The following ARHGEF18 variants were observed in gnomAD, a reference collection of about 807,000 sequenced individuals.
ARHGEF18 encodes the protein Rho/Rac guanine nucleotide exchange factor 18, also known as rho guanine nucleotide exchange factor 18.
Under a neutral mutation model 155.7 loss-of-function variants are expected in ARHGEF18, and 93 were observed. The ratio of observed to expected loss-of-function variants is 0.60; its 90% confidence interval spans 0.50 to 0.71. The LOEUF (loss-of-function observed/expected upper bound fraction) is 0.71. Among genes scored for constraint, ARHGEF18 ranks in the 30% least tolerant of loss-of-function variants. The pLI, the probability that ARHGEF18 is intolerant of heterozygous loss-of-function variation, is 0.00. For synonymous variants in ARHGEF18, 742 were observed against 753.1 expected, an observed-to-expected ratio of 0.99 and a Z score of 0.24; for missense variants, 1,593 against 1,816.1, an observed-to-expected ratio of 0.88 and a Z score of 2.23.
chr19:7,446,330 C>T (rs1285248871), intron 14 of ARHGEF18, among the ~76,000 whole-genome samples: 1 of 151,876 alleles, frequency 6.6e-6, no homozygotes, highest in East Asian at 1.9e-4. Flanking sequence ...CAAGATCACA[C>T]CACTGCCCTC....
rs1367693249 is a variant in ARHGEF18 at position 7,377,017 on chromosome 19, T to G, written c.541+260T>G. On this transcript the variant is annotated intron_variant, in intron 5 of 28. Coordinates refer to ENST00000668164, the MANE Select transcript of ARHGEF18 (RefSeq NM_001367823.1). Reference sequence around the variant, plus strand: ...CCTCTCCCTGCAGCTCTTGAGCCAGTGTGAGATTGCCCCATTGCAATGAGC... The same window carrying G: ...CCTCTCCCTGCAGCTCTTGAGCCAGGGTGAGATTGCCCCATTGCAATGAGC... Among the ~76,000 whole-genome samples, 6 of 151,862 alleles carry G rather than the reference T, an allele frequency of 4.0e-5. No homozygotes were observed. In the East Asian group the frequency reaches 9.7e-4, roughly 25 times the overall value.
intron 2 of ARHGEF18, among the ~76,000 whole-genome samples, chr19:7,368,248 G>C (rs569568570): frequency 1.3e-5 from 2 of 152,226 alleles, no homozygotes; most frequent in East Asian, 3.9e-4. Flanking sequence ...GAGCCTTTCT[G>C]AAGAGTGGGG....
chr19:7,361,916 C>CAT (rs1568264010), intron 1 of ARHGEF18, among the ~76,000 whole-genome samples: 1 of 151,350 alleles, frequency 6.6e-6, no homozygotes, highest in Non-Finnish European at 1.5e-5. Context: ...GGCTTGAACT[C>CAT]GGGAGGCGGA....
intron 1 of ARHGEF18, among the ~76,000 whole-genome samples, chr19:7,358,973 T>A (rs1481696736): frequency 6.6e-6 from 1 of 152,142 alleles, no homozygotes; most frequent in Non-Finnish European, 1.5e-5. Flanking sequence ...TCAGCAAACC[T>A]TTTCTATAAA....
Position 7,440,896 on chromosome 19 carries a change from C to G in ARHGEF18, c.1106+414C>G, listed in dbSNP as rs1437211599. ...AGCGGTGTCCGGGTAGAAAGTGATG[C>G]TAGAAGCTGATATGTTTGTGGTGAC... is the stretch of plus-strand genomic sequence containing the variant. On this transcript the variant is annotated intron_variant, in intron 11 of 28. Coordinates refer to ENST00000668164, the MANE Select transcript of ARHGEF18 (RefSeq NM_001367823.1). The surrounding 1 kb of genome is among the most constrained non-coding windows in gnomAD (Gnocchi z 5.4). Among the ~76,000 whole-genome samples, 1 of 151,976 alleles carries G rather than the reference C, an allele frequency of 6.6e-6. No individual in the cohort carries two copies. Among genetic ancestry groups the G allele is most frequent in the Admixed American group, 6.6e-5 (1 of 15,256 alleles).
At chr19:7,461,121 A>G (rs372041983) in intron 20 of ARHGEF18, among the ~76,000 whole-genome samples, 22 of 151,864 alleles carry the variant, frequency 1.4e-4, no homozygotes, top group African/African-American at 5.3e-4. Flanking sequence ...ATAATACTCA[A>G]ACAATAAGTG....
chr19:7,380,755 C>T (rs1158483977), intron 7 of ARHGEF18, among the ~76,000 whole-genome samples, 162 bp from the exon 8 acceptor site: 2 of 152,162 alleles, frequency 1.3e-5, no homozygotes, highest in African/African-American at 4.8e-5. Flanking sequence ...CTGCCCTCTG[C>T]TGGAAAACCT....
intron 19 of ARHGEF18, 63 bp from the exon 20 acceptor site, chr19:7,459,840 C>T (rs1381033369): frequency 5.7e-6 from 8 of 1,393,230 alleles, no homozygotes; most frequent in African/African-American, 1.4e-5. Context: ...GCAGAACCAG[C>T]GTCTGTGCCG....
At chr19:7,370,894 A>G (rs889150238) in intron 2 of ARHGEF18, among the ~76,000 whole-genome samples, 1 of 142,320 alleles carries the variant, frequency 7.0e-6, no homozygotes, top group African/African-American at 2.8e-5. Flanking sequence ...GATTTACCAC[A>G]CCCCGCTTTT....
chr19:7,467,126 G>C lies in ARHGEF18; in HGVS notation c.3009+8G>C, dbSNP rs547578413. 1.9e-6 allele frequency: 3 copies of C among 1,593,698 alleles called. No individual in the cohort carries two copies. In the African/African-American group the frequency reaches 4.0e-5, roughly 21 times the overall value. ...CTGCTCCTGAACCTTCAGGTACAGGGGCGGGGTGGGGCCGGCCACGCGTGC... is the reference window on the plus strand; with the variant it reads ...CTGCTCCTGAACCTTCAGGTACAGGCGCGGGGTGGGGCCGGCCACGCGTGC... On this transcript the variant is annotated splice_region_variant and intron_variant, in intron 25 of 28. Coordinates refer to ENST00000668164, the MANE Select transcript of ARHGEF18 (RefSeq NM_001367823.1).
At chr19:7,387,364 G>C (rs1406112993) in intron 10 of ARHGEF18, among the ~76,000 whole-genome samples, 1 of 151,940 alleles carries the variant, frequency 6.6e-6, no homozygotes, top group Non-Finnish European at 1.5e-5. Flanking sequence ...GTGTTAACCA[G>C]GATAATCTCG....
chr19:7,415,332 G>A (rs913886673), intron 10 of ARHGEF18, among the ~76,000 whole-genome samples: 15 of 151,808 alleles, frequency 9.9e-5, no homozygotes, highest in Admixed American at 5.3e-4. Context: ...GCCTGCTGCC[G>A]AGCCCGCCAC....
chr19:7,468,953 C>T lies in ARHGEF18; in HGVS notation c.3609C>T (p.Ala1203=), dbSNP rs1261277656. The T allele has an allele frequency of 6.3e-7, 1 of 1,581,354 alleles. No individual in the cohort carries two copies. Among genetic ancestry groups the T allele is most frequent in the African/African-American group, 1.4e-5 (1 of 73,620 alleles). The stretch of plus-strand genomic sequence containing the variant: ...CCGAGGTGGCTCGCCGGGACAGCGC[C>T]CCCACCGAGAACCGGCTGGCCAAGA... ...ERPEVARRDS[A]PTENRLAKSD... is the part of the protein sequence containing the mutation. The change falls in exon 27 of 29, where the codon GCC becomes GCT. Residue 1203 remains alanine, a synonymous_variant. Transcript: ENST00000668164.
chr19:7,425,192 T>C (rs951289016), intron 10 of ARHGEF18, among the ~76,000 whole-genome samples: 6 of 152,148 alleles, frequency 3.9e-5, no homozygotes, highest in Non-Finnish European at 8.8e-5. Context: ...TGTTCCACTT[T>C]GTTCCGCCCT....
At chr19:7,399,550 T>G (rs1014104572) in intron 10 of ARHGEF18, among the ~76,000 whole-genome samples, 3 of 151,852 alleles carry the variant, frequency 2.0e-5, no homozygotes, top group African/African-American at 7.2e-5. Context: ...GGCGCGATCT[T>G]GGCCCACTGC....
At chr19:7,459,758 C>G in intron 19 of ARHGEF18, 145 bp from the exon 20 acceptor site, 1 of 646,722 alleles carries the variant, frequency 1.5e-6, no homozygotes, top group Non-Finnish European at 2.6e-6. Flanking sequence ...CTCTCTTCCC[C>G]TCCTCGTCCT....
In ARHGEF18 at chr19:7,440,420, G is replaced by A. The variant is rs1331291005; in HGVS notation, c.1044G>A (p.Thr348=). The A allele has an allele frequency of 1.9e-6, 3 of 1,604,512 alleles. No homozygotes were observed. The highest frequency in any genetic ancestry group is 3.3e-5 in the Admixed American group (2 of 60,022). ...SPALSRNVGM[T]VSQKGGPQPT... ...CCCTGTCCAGGAATGTCGGTATGAC[G>A]GTCTCTCAGAAAGGGGGTCCCCAGC... Residue 348 remains threonine (T), a synonymous_variant, in exon 11 of 29, where the codon ACG becomes ACA. Transcript: ENST00000668164. The surrounding 1 kb of genome is among the most constrained non-coding windows in gnomAD (Gnocchi z 5.4).
intron 10 of ARHGEF18, among the ~76,000 whole-genome samples, chr19:7,410,731 A>G (rs891449164): frequency 2.1e-5 from 3 of 142,882 alleles, no homozygotes; most frequent in Non-Finnish European, 1.5e-5. Flanking sequence ...AATCGCTTGA[A>G]CCTGAGAAGC....
At chr19:7,377,121 A>C (rs1970496211) in intron 5 of ARHGEF18, among the ~76,000 whole-genome samples, 1 of 151,222 alleles carries the variant, frequency 6.6e-6, no homozygotes, top group African/African-American at 2.4e-5. Flanking sequence ...CCCAGGCTGC[A>C]GTGCAGTGGT....
Sources: gnomAD v4.1 joint callset for allele counts (sites outside exome capture counted in the v4.1 genomes callset) on GRCh38, gnomAD v4.1.1 for gene constraint, Gnocchi (gnomAD v3.1) non-coding constraint, MANE v1.5 for transcripts, NCBI Gene and HGNC (gene_info 2026-07-23, HGNC 2026-07-21) for gene names.